Variants in ABLIM1 observed in about 807,000 individuals in gnomAD.
ABLIM1 encodes actin binding LIM protein 1, also known as actin-binding LIM protein 1.
In ABLIM1, 40 loss-of-function variants were observed where a neutral mutation model predicts 107.0. The observed-to-expected ratio is 0.37, with a 90% confidence interval of 0.29 to 0.49. ABLIM1 has a LOEUF of 0.49. Ranked by LOEUF, ABLIM1 falls within the 20% of genes least tolerant of loss-of-function variation. The probability of loss-of-function intolerance (pLI) is 0.97; values close to 1 mark genes in which losing one functional copy is unlikely to be tolerated. For missense variants in ABLIM1, 857 were observed against 1,008.5 expected (o/e 0.85, Z 2.04); for synonymous variants, 357 against 357.3 (o/e 1.00, Z 0.01).
the ABLIM1 span, among the ~76,000 whole-genome samples, chr10:114,789,503 G>A: frequency 6.6e-6 from 1 of 152,044 alleles, no homozygotes; most frequent in South Asian, 2.1e-4. Flanking sequence ...GTACAGGATT[G>A]TTACATAGGT....
At chr10:114,566,728 G>A (rs2070793676) in intron 4 of ABLIM1, among the ~76,000 whole-genome samples, 1 of 152,208 alleles carries the variant, frequency 6.6e-6, no homozygotes, top group Non-Finnish European at 1.5e-5. Flanking sequence ...ATCTTTCACT[G>A]AAGTTGTTTG....
intron 1 of ABLIM1, among the ~76,000 whole-genome samples, chr10:114,654,151 A>G (rs1591747138): frequency 6.6e-6 from 1 of 152,356 alleles, no homozygotes; most frequent in East Asian, 1.9e-4. Flanking sequence ...ACTTCCTCCA[A>G]GCACCTGTCC....
At chr10:114,567,520 T>C (rs1399789192) in intron 4 of ABLIM1, among the ~76,000 whole-genome samples, 4 of 152,072 alleles carry the variant, frequency 2.6e-5, no homozygotes, top group Admixed American at 6.5e-5. Flanking sequence ...GTTAGAAGAG[T>C]TACTGCAAGG....
At chr10:114,529,834 C>T (rs1170504001) in intron 6 of ABLIM1, among the ~76,000 whole-genome samples, 2 of 152,106 alleles carry the variant, frequency 1.3e-5, no homozygotes, top group African/African-American at 4.8e-5. Context: ...CAAGACCAGC[C>T]TTGCCAATAT....
the ABLIM1 span, among the ~76,000 whole-genome samples, chr10:114,800,221 C>T: frequency 6.6e-6 from 1 of 152,118 alleles, no homozygotes; most frequent in African/African-American, 2.4e-5. Flanking sequence ...GGAGAGGATA[C>T]TGCCATATCC....
chr10:114,453,455 G>A lies in ABLIM1; in HGVS notation c.1470C>T (p.Ser490=), dbSNP rs1278093601. 1 of 1,609,734 alleles carries A rather than the reference G, an allele frequency of 6.2e-7. No homozygotes were observed. The highest frequency in any genetic ancestry group is 2.2e-5 in the East Asian group (1 of 44,688). The part of the protein sequence containing the change: ...PGNEPSSGRN[S]PLPYRPDSRP... The stretch of plus-strand genomic sequence containing the variant: ...GGCTGTCTGGCCGGTAAGGGAGAGG[G>A]GAGTTCCGGCCGCTGGACGGCTCAT... The change falls in exon 13 of 23, where the codon TCC becomes TCT. Residue 490 remains serine (S), a synonymous_variant. Coordinates refer to ENST00000533213, the MANE Select transcript of ABLIM1 (RefSeq NM_002313.7).
At chr10:114,624,847 A>G (rs2077686753) in intron 1 of ABLIM1, among the ~76,000 whole-genome samples, 1 of 151,350 alleles carries the variant, frequency 6.6e-6, no homozygotes, top group Non-Finnish European at 1.5e-5. Flanking sequence ...GTACTTCTGG[A>G]GTGAAGCAGA....
At chr10:114,681,354 C>T (rs939291852) in intron 1 of ABLIM1, among the ~76,000 whole-genome samples, 5 of 152,130 alleles carry the variant, frequency 3.3e-5, no homozygotes, top group Non-Finnish European at 5.9e-5. Context: ...TGTCACCATG[C>T]CTGGCTAATT....
intron 1 of ABLIM1, among the ~76,000 whole-genome samples, chr10:114,744,446 T>C (rs1019213094): frequency 1.3e-5 from 2 of 152,144 alleles, no homozygotes; most frequent in African/African-American, 2.4e-5. Context: ...ATCAAAGGCA[T>C]ACAAAATTAA....
intron 8 of ABLIM1, among the ~76,000 whole-genome samples, chr10:114,486,710 GT>G (rs71849997): frequency 0.15 from 21,918 of 150,976 alleles, 2,222 homozygotes; most frequent in East Asian, 0.49. Context: ...GAGAAAAAGT[GT>G]TTTTTTTTCC....
intron 1 of ABLIM1, 24 bp from the exon 2 acceptor site, chr10:114,601,985 C>A: frequency 1.2e-6 from 2 of 1,613,428 alleles, no homozygotes; most frequent in Non-Finnish European, 1.7e-6. Flanking sequence ...AACAAAAGAT[C>A]CAGGTGAGTA....
intron 1 of ABLIM1, among the ~76,000 whole-genome samples, chr10:114,621,997 C>T (rs527660172): frequency 6.6e-6 from 1 of 152,204 alleles, no homozygotes; most frequent in Non-Finnish European, 1.5e-5. Context: ...CTGCGGACTC[C>T]AATCCCCATC....
intron 1 of ABLIM1, among the ~76,000 whole-genome samples, chr10:114,616,172 GAA>G (rs1158181570): frequency 6.6e-6 from 1 of 151,218 alleles, no homozygotes; most frequent in African/African-American, 2.4e-5. Context: ...GTCTCTATAA[GAA>G]AAAAAAAGTT....
At chr10:114,509,838 A>T (rs928054571) in intron 6 of ABLIM1, among the ~76,000 whole-genome samples, 2 of 152,210 alleles carry the variant, frequency 1.3e-5, no homozygotes, top group African/African-American at 4.8e-5. Flanking sequence ...GTCATTTATA[A>T]AGGAAAGAGG....
chr10:114,767,632 G>A (rs890871295), intron 1 of ABLIM1, among the ~76,000 whole-genome samples: 17 of 151,864 alleles, frequency 1.1e-4, no homozygotes, highest in African/African-American at 4.1e-4. Context: ...TTTTTTAATG[G>A]GGTGTAAGCA....
At chr10:114,440,890 A>G (rs1399580280) in intron 19 of ABLIM1, 127 bp downstream of exon 19, 1 of 947,158 alleles carries the variant, frequency 1.1e-6, no homozygotes, top group Admixed American at 1.9e-5. Context: ...ATTAGCTCAC[A>G]GAAGACAGAT....
At chr10:114,440,158 C>G in intron 19 of ABLIM1, 69 bp from the exon 20 acceptor site, 1 of 1,450,730 alleles carries the variant, frequency 6.9e-7, no homozygotes, top group Non-Finnish European at 9.7e-7. Context: ...CATTCACAGA[C>G]TATATTATAT....
At chr10:114,601,082 A>G (rs1391131339) in intron 2 of ABLIM1, among the ~76,000 whole-genome samples, 2 of 144,930 alleles carry the variant, frequency 1.4e-5, no homozygotes, top group East Asian at 3.9e-4. Flanking sequence ...ACACACACAC[A>G]CACACACACA....
intron 1 of ABLIM1, among the ~76,000 whole-genome samples, chr10:114,698,764 G>T (rs1181574277): frequency 6.6e-6 from 1 of 152,122 alleles, no homozygotes; most frequent in Non-Finnish European, 1.5e-5. Context: ...TCAGCATGTG[G>T]AGAAAATAAG....
Sources: allele counts gnomAD v4.1 joint callset (sites outside exome capture counted in the v4.1 genomes callset), GRCh38; gene constraint gnomAD v4.1.1; transcripts MANE v1.5; gene names NCBI Gene and HGNC (gene_info 2026-07-23, HGNC 2026-07-21).